GAPDH: variants seen among roughly 807,000 people sequenced by gnomAD.
GAPDH encodes OCAS, p38 component.
In GAPDH, 13 loss-of-function variants were observed where a neutral mutation model predicts 31.2. The ratio of observed to expected loss-of-function variants is 0.42; its 90% CI spans 0.27 to 0.66. The LOEUF is 0.66. GAPDH is among the 30% of genes least tolerant of loss of function. The pLI, the probability that GAPDH is intolerant of heterozygous loss-of-function variation, is 0.26. For missense variants in GAPDH, 300 were observed against 443.7 expected (o/e 0.68, Z 2.91); for synonymous variants, 211 against 166.9 (o/e 1.26, Z -2.04).
In GAPDH at chr12:6,536,956, C is replaced by T. The variant is rs200281741; in HGVS notation, c.273C>T (p.Gly91=). Residue 91 remains glycine (G), a synonymous_variant, in exon 5 of 9, where the codon GGC becomes GGT. Coordinates refer to ENST00000229239, the MANE Select transcript of GAPDH (RefSeq NM_002046.7). ...CCAAAATCAAGTGGGGCGATGCTGG[C>T]GCTGAGTACGTCGTGGAGTCCACTG... ...DPSKIKWGDA[G]AEYVVESTGV... is the part of the protein sequence containing the mutation. 11 of 1,613,790 alleles carry T rather than the reference C, an allele frequency of 6.8e-6. No individual in the cohort carries two copies. The highest frequency in any genetic ancestry group is 1.6e-4 in the Middle Eastern group (1 of 6,062).
chr12:6,536,823 T>C (rs368487746), intron 4 of GAPDH, 33 bp downstream of exon 4: 11 of 1,597,796 alleles, frequency 6.9e-6, no homozygotes, highest in African/African-American at 6.7e-5. Context: ...GAAATGTGCT[T>C]TGGGGAGGCA....
In GAPDH at chr12:6,534,799, C is replaced by G. The variant is rs990783964; in HGVS notation, c.-23-11C>G. The G allele has an allele frequency of 4.5e-5, 72 of 1,610,868 alleles. No individual in the cohort carries two copies. The East Asian group carries it at 1.4e-3, about 32-fold the overall frequency. On this transcript the variant is annotated splice_polypyrimidine_tract_variant and intron_variant, in intron 1 of 8. Coordinates refer to ENST00000229239, the MANE Select transcript of GAPDH (RefSeq NM_002046.7). ...GCCACTAGGCGCTCACTGTTCTCTC[C>G]CTCCGCGCAGCCGAGCCACATCGCT...
intron 1 of GAPDH, 59 bp downstream of exon 1, chr12:6,534,628 G>T: frequency 1.6e-6 from 1 of 606,604 alleles, no homozygotes; most frequent in Non-Finnish European, 2.9e-6. Flanking sequence ...CGGCAGGGGC[G>T]GGCGCAGGCC....
At position 6,537,015 on chromosome 12, in the gene GAPDH, G is replaced by C; in HGVS notation, c.327+5G>C. ...ACCACCATGGAGAAGGCTGGGGTGA[G>C]TGCAGGAGGGCCCGCGGGAGGGGAA... On this transcript the variant is annotated splice_donor_5th_base_variant and intron_variant, in intron 5 of 8. Coordinates refer to ENST00000229239, the MANE Select transcript of GAPDH (RefSeq NM_002046.7). The surrounding 1 kb of genome is among the most constrained non-coding windows in gnomAD (Gnocchi z 4.9). 6.2e-7 allele frequency: 1 copy of C among 1,610,092 alleles called. No homozygotes were observed. Among genetic ancestry groups the C allele is most frequent in the Non-Finnish European group, 8.5e-7 (1 of 1,179,222 alleles).
chr12:6,535,707 AATGTC>A (rs1345548498), intron 2 of GAPDH, among the ~76,000 whole-genome samples: 1 of 152,084 alleles, frequency 6.6e-6, no homozygotes, highest in African/African-American at 2.4e-5. Flanking sequence ...CCAGGCTGTA[AATGTC>A]ACCGGGAGGA....
rs1946494911 is a variant in GAPDH at position 6,537,268 on chromosome 12, A to ACGCTCCCCTGACTTGCGCCC, written c.444-33_444-14dup. On this transcript the variant is annotated intron_variant, in intron 6 of 8. Coordinates refer to ENST00000229239, the MANE Select transcript of GAPDH (RefSeq NM_002046.7). This position sits in a 1 kb window ranked among gnomAD's most constrained non-coding sequence, Gnocchi z 4.9. ...GCGGCCAGCCTGGCACCCTATGGAC[A>ACGCTCCCCTGACTTGCGCCC]CGCTCCCCTGACTTGCGCCCCGCTC... is the stretch of plus-strand genomic sequence containing the variant. The ACGCTCCCCTGACTTGCGCCC allele has an allele frequency of 6.3e-7, 1 of 1,598,496 alleles. No individual in the cohort carries two copies. Among genetic ancestry groups the ACGCTCCCCTGACTTGCGCCC allele is most frequent in the Non-Finnish European group, 8.5e-7 (1 of 1,176,822 alleles).
chr12:6,535,559 A>C, intron 2 of GAPDH: 1 of 575,512 alleles, frequency 1.7e-6, no homozygotes, highest in Non-Finnish European at 2.2e-6. Context: ...AGCCGGGAGA[A>C]GCTGAGTCAT....
Position 6,534,568 on chromosome 12 carries a change from A to G in GAPDH, c.-25A>G. 1.9e-6 allele frequency: 1 copy of G among 533,008 alleles called. No homozygotes were observed. Among genetic ancestry groups the G allele is most frequent in the Non-Finnish European group, 3.3e-6 (1 of 300,832 alleles). The allele number at this position is 533,008 out of a possible 1,614,324, so 33.0% of individuals were successfully genotyped here. ...CAGCCGCATCTTCTTTTGCGTCGCC[A>G]GGTGAAGACGGGCGGAGAGAAACCC... is the stretch of plus-strand genomic sequence containing the variant. On this transcript the variant is annotated splice_region_variant and 5_prime_UTR_variant, in exon 1 of 9. Coordinates refer to ENST00000229239, the MANE Select transcript of GAPDH (RefSeq NM_002046.7).
rs777179263 is a variant in GAPDH at position 6,537,564 on chromosome 12, G to A, written c.526-20G>A. Reference sequence around the variant, plus strand: ...GGGGTGATGTGGGGAGTACGCTGCAGGGCCTCACTCCTTTTGCAGACCACA... The same window carrying A: ...GGGGTGATGTGGGGAGTACGCTGCAAGGCCTCACTCCTTTTGCAGACCACA... On this transcript the variant is annotated intron_variant, in intron 7 of 8. Transcript: ENST00000229239. This position sits in a 1 kb window ranked among gnomAD's most constrained non-coding sequence, Gnocchi z 4.9. The A allele has an allele frequency of 1.9e-6, 3 of 1,605,708 alleles. No homozygotes were observed. Among genetic ancestry groups the A allele is most frequent in the African/African-American group, 2.7e-5 (2 of 74,760 alleles).
chr12:6,535,517 C>T, intron 2 of GAPDH: 8 of 903,398 alleles, frequency 8.9e-6, no homozygotes, highest in Non-Finnish European at 1.1e-5. Flanking sequence ...GTCCCCTCCC[C>T]GCAGAGGTGT....
Position 6,537,685 on chromosome 12 carries a change from C to A in GAPDH, c.627C>A (p.Ala209=), listed in dbSNP as rs370741285. Residue 209 remains alanine, a synonymous_variant, in exon 8 of 9, where the codon GCC becomes GCA. Transcript: ENST00000229239. The surrounding 1 kb of genome is among the most constrained non-coding windows in gnomAD (Gnocchi z 4.9). ...GGGCTCTCCAGAACATCATCCCTGCCTCTACTGGCGCTGCCAAGGCTGTGG... is the reference window on the plus strand; with the variant it reads ...GGGCTCTCCAGAACATCATCCCTGCATCTACTGGCGCTGCCAAGGCTGTGG... ...GRGALQNIIP[A]STGAAKAVGK... The A allele has an allele frequency of 4.3e-6, 7 of 1,611,520 alleles. No individual in the cohort carries two copies. In the East Asian group the frequency reaches 8.9e-5, roughly 21 times the overall value.
In GAPDH at chr12:6,536,718, A is replaced by C; in HGVS notation, c.164A>C (p.Lys55Thr). 1 of 1,613,920 alleles carries C rather than the reference A, an allele frequency of 6.2e-7. No individual in the cohort carries two copies. The highest frequency in any genetic ancestry group is 8.5e-7 in the Non-Finnish European group (1 of 1,179,884). The change falls in exon 4 of 9, where the codon AAA (lysine) becomes ACA (threonine). Residue 55 changes from lysine to threonine, a missense_variant. Lys to Thr is a moderately conservative substitution (Grantham distance 78). Coordinates refer to ENST00000229239, the MANE Select transcript of GAPDH (RefSeq NM_002046.7). ...YMFQYDSTHG[K>T]FHGTVKAENG... ...TTCCAATATGATTCCACCCATGGCA[A>C]ATTCCATGGCACCGTCAAGGCTGAG...
rs552463293 is a variant in GAPDH at position 6,537,452 on chromosome 12, C to T, written c.525+62C>T. 8.2e-6 allele frequency: 13 copies of T among 1,582,590 alleles called. No homozygotes were observed. The Admixed American group carries it at 1.3e-4, about 16-fold the overall frequency. On this transcript the variant is annotated intron_variant, in intron 7 of 8. Coordinates refer to ENST00000229239, the MANE Select transcript of GAPDH (RefSeq NM_002046.7). The surrounding 1 kb of genome is among the most constrained non-coding windows in gnomAD (Gnocchi z 4.9). ...TTTCTCATCCAAGACTGGCTCCTCC[C>T]TGCCGGGGCTGCGTGCAACCCTGGG...
intron 2 of GAPDH, chr12:6,535,153 C>A: frequency 9.7e-7 from 1 of 1,029,370 alleles, no homozygotes; most frequent in Non-Finnish European, 1.3e-6. Context: ...AGGTGGGGGA[C>A]GCTTTCTTTC....
rs1253058715 is a variant in GAPDH, at chr12:6,538,202, C to T, written c.*32C>T. 7 of 1,570,154 alleles carry T rather than the reference C, an allele frequency of 4.5e-6. No individual in the cohort carries two copies. Among genetic ancestry groups the T allele is most frequent in the Non-Finnish European group, 6.1e-6 (7 of 1,151,300 alleles). On this transcript the variant is annotated 3_prime_UTR_variant, in exon 9 of 9. Coordinates refer to ENST00000229239, the MANE Select transcript of GAPDH (RefSeq NM_002046.7). ...TGGACCACCAGCCCCAGCAAGAGCA[C>T]AAGAGGAAGAGAGAGACCCTCACTG... is the stretch of plus-strand genomic sequence containing the variant.
rs759577147 is a variant in GAPDH, at chr12:6,536,995, C to T, written c.312C>T (p.Thr104=). 8.1e-6 allele frequency: 13 copies of T among 1,613,740 alleles called. No individual in the cohort carries two copies. Among genetic ancestry groups the T allele is most frequent in the Non-Finnish European group, 1.1e-5 (13 of 1,179,710 alleles). ...YVVESTGVFT[T]MEKAGAHLQG... is the part of the protein sequence containing the mutation. ...TGGAGTCCACTGGCGTCTTCACCACCATGGAGAAGGCTGGGGTGAGTGCAG... is the reference window on the plus strand; with the variant it reads ...TGGAGTCCACTGGCGTCTTCACCACTATGGAGAAGGCTGGGGTGAGTGCAG... The change falls in exon 5 of 9, where the codon ACC becomes ACT. Residue 104 remains threonine (T), a synonymous_variant. Transcript: ENST00000229239.
At position 6,538,287 on chromosome 12, in the gene GAPDH, G is replaced by T. The variant is rs1803622; in HGVS notation, c.*117G>T. ...CACTGAATCTCCCCTCCTCACAGTT[G>T]CCATGTAGACCCCTTGAAGAGGGGA... is the stretch of plus-strand genomic sequence containing the variant. On this transcript the variant is annotated 3_prime_UTR_variant, in exon 9 of 9. Transcript: ENST00000229239. The T allele has an allele frequency of 0.24, 203,482 of 839,402 alleles. 27,434 individuals carry two copies. The highest frequency in any genetic ancestry group is 0.5 in the East Asian group (19,065 of 37,880). The allele number at this position is 839,402 out of a possible 1,614,324, so 52.0% of individuals were successfully genotyped here.
rs371678435 is a variant in GAPDH at position 6,536,290 on chromosome 12, G to T, written c.30-204G>T. Among the ~76,000 whole-genome samples, 234 of 152,342 alleles carry T rather than the reference G, an allele frequency of 1.5e-3. 6 individuals are homozygous for T. In the South Asian group the frequency reaches 0.033, roughly 21 times the overall value. The stretch of plus-strand genomic sequence containing the variant: ...TTCGTATGACTGGGGGTGTTGGGCA[G>T]CCCTGGAGCCTTCAGTTGCAGCCAT... On this transcript the variant is annotated intron_variant, in intron 2 of 8. Transcript: ENST00000229239.
At chr12:6,536,885 A>G (rs1247406556) in intron 4 of GAPDH, 35 bp from the exon 5 acceptor site, 12 of 1,589,990 alleles carry the variant, frequency 7.5e-6, no homozygotes, top group Non-Finnish European at 8.6e-6. Context: ...GTCCCTCAAT[A>G]TGGTCCTGTC....
Sources: allele counts gnomAD v4.1 joint callset (sites outside exome capture counted in the v4.1 genomes callset), GRCh38; gene constraint gnomAD v4.1.1; non-coding constraint Gnocchi (gnomAD v3.1); transcripts MANE v1.5; gene names NCBI Gene and HGNC (gene_info 2026-07-23, HGNC 2026-07-21).